CUX1: variants seen among roughly 807,000 people sequenced by gnomAD.
CUX1 encodes protein CASP.
CUX1 carries 31 observed loss-of-function variants against 158.8 expected under a neutral mutation model. The observed-to-expected ratio is 0.20, with a 90% CI of 0.15 to 0.26. CUX1 has a LOEUF of 0.26. CUX1 is among the 10% of genes least tolerant of loss of function. The pLI is 1.00. For missense variants in CUX1, 1,589 were observed against 2,014.6 expected (o/e 0.79, Z 4.04); for synonymous variants, 879 against 862.1 (o/e 1.02, Z -0.34).
At chr7:102,267,287 A>T (rs563122507) in intron 14 of CUX1, among the ~76,000 whole-genome samples, 1 of 152,100 alleles carries the variant, frequency 6.6e-6, no homozygotes, top group African/African-American at 2.4e-5. Context: ...TAATCCCAGC[A>T]CTTTGGGAGG....
Position 101,965,798 on chromosome 7 carries a change from G to A in CUX1, c.141+49573G>A, listed in dbSNP as rs1474229084. Among the ~76,000 whole-genome samples, 13 of 133,416 alleles carry A rather than the reference G, an allele frequency of 9.7e-5. No individual in the cohort carries two copies. The East Asian group carries it at 1.4e-3, about 14-fold the overall frequency. The allele number at this position is 133,416 out of a possible 152,430, so 87.5% of individuals were successfully genotyped here. A position where few individuals can be genotyped will look rare whatever the true frequency, so the allele number is the denominator to read the frequency against. On this transcript the variant is annotated intron_variant, in intron 2 of 23. Coordinates refer to ENST00000292535, the MANE Select transcript of CUX1 (RefSeq NM_181552.4). ...CGGGAGGCAGAGCTTGCAGTGAGCC[G>A]AGATCGCACCACTGCAGTCCAGCCT... is the stretch of plus-strand genomic sequence containing the variant.
chr7:102,083,894 T>TTAG (rs1451643772), intron 4 of CUX1, among the ~76,000 whole-genome samples: 1 of 146,644 alleles, frequency 6.8e-6, no homozygotes, highest in Non-Finnish European at 1.5e-5. Flanking sequence ...AATGTTTATT[T>TTAG]TATTATTATT....
At chr7:102,062,159 G>A (rs953685547) in intron 3 of CUX1, among the ~76,000 whole-genome samples, 2 of 152,144 alleles carry the variant, frequency 1.3e-5, no homozygotes, top group Admixed American at 6.6e-5. Context: ...ACATACCATT[G>A]GCCAAAGCAT....
At chr7:101,917,003 G>T (rs902084749) in intron 2 of CUX1, among the ~76,000 whole-genome samples, 1 of 151,912 alleles carries the variant, frequency 6.6e-6, no homozygotes, top group African/African-American at 2.4e-5. Context: ...TCCCCATGGC[G>T]CTCATCCCGC....
intron 1 of CUX1, among the ~76,000 whole-genome samples, chr7:101,861,706 C>A (rs1797476394): frequency 1.3e-5 from 2 of 151,804 alleles, no homozygotes; most frequent in Admixed American, 1.3e-4. Flanking sequence ...CATGCCCAGG[C>A]TGGCTGGTAG....
chr7:101,968,882 C>T (rs539247978), intron 2 of CUX1, among the ~76,000 whole-genome samples: 7 of 152,220 alleles, frequency 4.6e-5, no homozygotes, highest in East Asian at 1.9e-4. Context: ...GGGCAGGACA[C>T]GGGGCTCCCT....
chr7:101,822,105 C>G (rs1365381423), intron 1 of CUX1: 2 of 150,974 alleles, frequency 1.3e-5, no homozygotes, highest in Non-Finnish European at 3.0e-5. Flanking sequence ...CTGCCCGCCT[C>G]GGCCTCCCAA....
chr7:102,209,569 AT>A (rs1357356297), intron 20 of CUX1, among the ~76,000 whole-genome samples: 6 of 151,766 alleles, frequency 4.0e-5, no homozygotes, highest in Non-Finnish European at 4.4e-5. Context: ...TTCTACAAAT[AT>A]TTTTTTTTGT....
rs992871041 is a variant in CUX1, at chr7:102,031,641, G to A, written c.189+3496G>A. On this transcript the variant is annotated intron_variant, in intron 3 of 23. Transcript: ENST00000292535. ...ATTAATTAATATTTATCAAGCCTCC[G>A]CTAATTTATAAATAAATTTTATTAT... Among the ~76,000 whole-genome samples the A allele has an allele frequency of 8.6e-5, 13 of 152,040 alleles. No individual in the cohort carries two copies. The East Asian group carries it at 1.9e-3, about 23-fold the overall frequency.
rs191142856 is a variant in CUX1 at position 102,017,323 on chromosome 7, G to A, written c.142-10775G>A. On this transcript the variant is annotated intron_variant, in intron 2 of 23. Transcript: ENST00000292535. ...AAAAAAAAAGTGAGCTTGGTGATGA[G>A]TCTGGGAAGAGCATCTCTTCATTCA... is the stretch of plus-strand genomic sequence containing the variant. Among the ~76,000 whole-genome samples the A allele has an allele frequency of 3.0e-3, 454 of 151,038 alleles. 1 individual carries two copies. The highest frequency in any genetic ancestry group is 9.7e-3 in the South Asian group (46 of 4,756).
intron 16 of CUX1, among the ~76,000 whole-genome samples, chr7:102,275,065 G>A (rs554434549): frequency 6.2e-4 from 95 of 152,206 alleles, no homozygotes; most frequent in Middle Eastern, 6.8e-3. Context: ...CACGCTCCCC[G>A]GTTCCCCTGG....
intron 6 of CUX1, among the ~76,000 whole-genome samples, chr7:102,107,996 C>T (rs1830543507): frequency 6.6e-6 from 1 of 152,122 alleles, no homozygotes; most frequent in Non-Finnish European, 1.5e-5. Flanking sequence ...GACCCTTGAC[C>T]CCGTTGATAC....
At chr7:101,817,263 C>CGGCCCCCGGT (rs1791949519), upstream of CUX1, 24 of 984,754 alleles carry the variant, frequency 2.4e-5, no homozygotes, top group Non-Finnish European at 2.9e-5. The surrounding 1 kb of genome is among the most constrained non-coding windows in gnomAD (Gnocchi z 4.1). Flanking sequence ...GGGGCTCCGG[C>CGGCCCCCGGT]GGCCCCCGGT....
At chr7:102,074,781 G>GT (rs1490213071) in intron 4 of CUX1, among the ~76,000 whole-genome samples, 1 of 152,228 alleles carries the variant, frequency 6.6e-6, no homozygotes, top group Admixed American at 6.5e-5. Flanking sequence ...CACCTGATGT[G>GT]TCCGGCAGAA....
At chr7:102,056,933 G>A (rs186433074) in intron 3 of CUX1, among the ~76,000 whole-genome samples, 8 of 142,174 alleles carry the variant, frequency 5.6e-5, no homozygotes, top group East Asian at 2.1e-4. Flanking sequence ...ACAGAGTCTC[G>A]CTCTGTCACC....
At chr7:102,046,173 G>A (rs1448248439) in intron 3 of CUX1, among the ~76,000 whole-genome samples, 1 of 152,238 alleles carries the variant, frequency 6.6e-6, no homozygotes, top group Non-Finnish European at 1.5e-5. Context: ...ATAGACCAAT[G>A]TCAGCCCCTA....
intron 1 of CUX1, among the ~76,000 whole-genome samples, chr7:101,853,102 C>G (rs1796447338): frequency 1.3e-5 from 2 of 152,306 alleles, no homozygotes; most frequent in South Asian, 4.1e-4. Context: ...CTCCACCCAA[C>G]CCTAAGAATC....
At chr7:102,259,769 GAA>G (rs2132727277), downstream of CUX1, among the ~76,000 whole-genome samples, 3 of 141,842 alleles carry the variant, frequency 2.1e-5, no homozygotes, top group African/African-American at 7.9e-5. Flanking sequence ...AAAGAAAAGA[GAA>G]AGGAAGGAAG....
chr7:102,139,470 C>T (rs1834223931), intron 8 of CUX1, among the ~76,000 whole-genome samples: 1 of 152,118 alleles, frequency 6.6e-6, no homozygotes, highest in African/African-American at 2.4e-5. Context: ...GAGATTATTA[C>T]CACCTGAAAC....
Sources: gnomAD v4.1 joint callset for allele counts (sites outside exome capture counted in the v4.1 genomes callset) on GRCh38, gnomAD v4.1.1 for gene constraint, Gnocchi (gnomAD v3.1) non-coding constraint, MANE v1.5 for transcripts, NCBI Gene and HGNC (gene_info 2026-07-23, HGNC 2026-07-21) for gene names.